Variants in CHL1 observed in about 807,000 individuals in gnomAD.
CHL1 encodes neural cell adhesion molecule L1-like protein.
Under a neutral mutation model 141.9 loss-of-function variants are expected in CHL1, and 96 were observed. The observed-to-expected ratio is 0.68, with a 90% CI of 0.57 to 0.80. The LOEUF (loss-of-function observed/expected upper bound fraction) is 0.80, where lower values mean the gene tolerates loss of function less well. CHL1 is among the 30% of genes least tolerant of loss of function. CHL1 has a pLI of 0.00. For synonymous variants in CHL1, 613 were observed against 502.2 expected (o/e 1.22, Z -2.95); for missense variants, 1,820 against 1,457.2 (o/e 1.25, Z -4.05).
intron 8 of CHL1, 26 bp downstream of exon 8, chr3:343,057 G>T: frequency 6.3e-7 from 1 of 1,583,076 alleles, no homozygotes; most frequent in Non-Finnish European, 8.6e-7. Flanking sequence ...GTGGAGTGTT[G>T]GCATTTGTGT....
chr3:337,310 C>T (rs894931636), intron 5 of CHL1, among the ~76,000 whole-genome samples: 3 of 151,260 alleles, frequency 2.0e-5, no homozygotes, highest in Non-Finnish European at 4.4e-5. Flanking sequence ...CCTGCCTCAG[C>T]CTCCCGAGTA....
chr3:359,318 T>A (rs1194629978), intron 11 of CHL1, among the ~76,000 whole-genome samples: 1 of 151,840 alleles, frequency 6.6e-6, no homozygotes, highest in Admixed American at 6.6e-5. Context: ...TTTTCTTCAC[T>A]TTTATTTTAA....
intron 2 of CHL1, among the ~76,000 whole-genome samples, chr3:305,873 A>T (rs1209177484): frequency 6.6e-6 from 1 of 152,028 alleles, no homozygotes; most frequent in Non-Finnish European, 1.5e-5. Flanking sequence ...AAGTAAAAAC[A>T]AATTAATTAA....
In CHL1 at chr3:406,859, A is replaced by G. The variant is rs1575320845; in HGVS notation, c.*1148A>G. 6.6e-6 allele frequency: 1 copy of G among 152,228 alleles called. No homozygotes were observed. The highest frequency in any genetic ancestry group is 1.5e-5 in the Non-Finnish European group (1 of 68,002). The allele number at this position is 152,228 out of a possible 1,614,324, so 9.4% of individuals were successfully genotyped here. On this transcript the variant is annotated 3_prime_UTR_variant, in exon 28 of 28. Transcript: ENST00000256509. ...AAATATCATATAAATATTGAGGGAAATGTTTTCATATTTTTCAAAATAGGT... is the reference window on the plus strand; with the variant it reads ...AAATATCATATAAATATTGAGGGAAGTGTTTTCATATTTTTCAAAATAGGT...
chr3:409,166 A>G lies in CHL1; in HGVS notation c.*3455A>G, dbSNP rs1709712121. On this transcript the variant is annotated 3_prime_UTR_variant, in exon 28 of 28. Coordinates refer to ENST00000256509, the MANE Select transcript of CHL1 (RefSeq NM_006614.4). The stretch of plus-strand genomic sequence containing the variant: ...AGTGAAATAAGTAGGGTTCAGCCAA[A>G]GCTTTCTTTGTTTTGTACCTTAAAT... 1 of 152,102 alleles carries G rather than the reference A, an allele frequency of 6.6e-6. No homozygotes were observed. The highest frequency in any genetic ancestry group is 1.5e-5 in the Non-Finnish European group (1 of 67,982). The allele number at this position is 152,102 out of a possible 1,614,324, so 9.4% of individuals were successfully genotyped here.
At chr3:379,904 A>G (rs1234350473) in intron 16 of CHL1, among the ~76,000 whole-genome samples, 3 of 152,216 alleles carry the variant, frequency 2.0e-5, no homozygotes, top group African/African-American at 7.2e-5. Flanking sequence ...TTTCTAAAAG[A>G]CTATGTTTTA....
chr3:220,611 C>A (rs1289953253), intron 1 of CHL1, among the ~76,000 whole-genome samples: 1 of 152,002 alleles, frequency 6.6e-6, no homozygotes, highest in Non-Finnish European at 1.5e-5. Context: ...GGATTTTACA[C>A]CTATGCATGT....
At chr3:340,761 A>C (rs374717876) in intron 5 of CHL1, 33 bp from the exon 6 acceptor site, 1 of 1,542,036 alleles carries the variant, frequency 6.5e-7, no homozygotes, top group African/African-American at 1.4e-5. Context: ...AGTTAATTTT[A>C]AAATAACACA....
chr3:297,254 A>G (rs1238733381), intron 2 of CHL1, among the ~76,000 whole-genome samples: 1 of 152,130 alleles, frequency 6.6e-6, no homozygotes, highest in Non-Finnish European at 1.5e-5. Context: ...AAATAAATAT[A>G]AGGGATAAGT....
chr3:262,791 T>C (rs1192589898), intron 2 of CHL1, among the ~76,000 whole-genome samples: 4 of 152,202 alleles, frequency 2.6e-5, no homozygotes, highest in Non-Finnish European at 4.4e-5. Flanking sequence ...AATCAGCATA[T>C]TAATGTTAAA....
chr3:300,784 A>C (rs1698653896), intron 2 of CHL1, among the ~76,000 whole-genome samples: 1 of 151,752 alleles, frequency 6.6e-6, no homozygotes, highest in African/African-American at 2.4e-5. Context: ...AAAGTGCAAC[A>C]AAAAAAAGAG....
At chr3:364,436 G>C (rs780828583) in intron 14 of CHL1, among the ~76,000 whole-genome samples, 1 of 152,154 alleles carries the variant, frequency 6.6e-6, no homozygotes, top group Non-Finnish European at 1.5e-5. Context: ...AAGCAACTCA[G>C]CTAGGTGTAA....
intron 2 of CHL1, chr3:282,677 G>A (rs1696775698): frequency 6.6e-6 from 1 of 152,186 alleles, no homozygotes; most frequent in African/African-American, 2.4e-5. Context: ...CATTGAATAT[G>A]TCATCCCACT....
chr3:347,970 T>G (rs1702907394), intron 9 of CHL1, among the ~76,000 whole-genome samples: 1 of 152,194 alleles, frequency 6.6e-6, no homozygotes. Flanking sequence ...ACCTCCAATT[T>G]TTTTTGCATA....
intron 1 of CHL1, among the ~76,000 whole-genome samples, chr3:231,905 G>T (rs1701901688): frequency 6.6e-6 from 1 of 152,012 alleles, no homozygotes; most frequent in Non-Finnish European, 1.5e-5. Flanking sequence ...CTCTGAATGT[G>T]TTTGGTGTGA....
At chr3:198,306 C>T (rs1037338194) in intron 1 of CHL1, among the ~76,000 whole-genome samples, 2 of 151,972 alleles carry the variant, frequency 1.3e-5, no homozygotes, top group African/African-American at 4.8e-5. Flanking sequence ...CGCGGAGCAG[C>T]CCCAGGGCCG....
intron 2 of CHL1, among the ~76,000 whole-genome samples, chr3:280,737 G>T (rs1241227220): frequency 2.0e-5 from 3 of 152,166 alleles, no homozygotes; most frequent in Non-Finnish European, 4.4e-5. Flanking sequence ...GAAGGGTAGA[G>T]ATGAAATAGG....
In CHL1 at chr3:407,091, A is replaced by G. The variant is rs1185288957; in HGVS notation, c.*1380A>G. Reference sequence around the variant, plus strand: ...TGCTCCAGTCCTTTTAAAATTGTACATGAACATGTTTTAGAAACAATATGG... The same window carrying G: ...TGCTCCAGTCCTTTTAAAATTGTACGTGAACATGTTTTAGAAACAATATGG... On this transcript the variant is annotated 3_prime_UTR_variant, in exon 28 of 28. Transcript: ENST00000256509. 6.6e-6 allele frequency: 1 copy of G among 152,124 alleles called. No individual in the cohort carries two copies. The highest frequency in any genetic ancestry group is 1.5e-5 in the Non-Finnish European group (1 of 68,018). 9.4% of individuals were successfully genotyped at this position (152,124 alleles called of 1,614,324 possible).
At chr3:259,315 T>A (rs1285087331) in intron 2 of CHL1, among the ~76,000 whole-genome samples, 2 of 150,562 alleles carry the variant, frequency 1.3e-5, no homozygotes, top group African/African-American at 5.0e-5. Flanking sequence ...TGTGTGTGTG[T>A]GTGCATGCGT....
Sources: gnomAD v4.1 joint callset for allele counts (sites outside exome capture counted in the v4.1 genomes callset) on GRCh38, gnomAD v4.1.1 for gene constraint, MANE v1.5 for transcripts, NCBI Gene and HGNC (gene_info 2026-07-23, HGNC 2026-07-21) for gene names.